The following CPAMD8 variants were observed in gnomAD, a reference collection of about 807,000 sequenced individuals.
CPAMD8 encodes the protein C3 and PZP like alpha-2-macroglobulin domain containing 8, also known as C3 and PZP-like alpha-2-macroglobulin domain-containing protein 8.
Under a neutral mutation model 224.7 loss-of-function variants are expected in CPAMD8, and 146 were observed. The observed-to-expected ratio is 0.65, with a 90% CI of 0.57 to 0.75. The LOEUF is 0.75. Among genes scored for constraint, CPAMD8 ranks in the 30% least tolerant of loss-of-function variants. The probability of loss-of-function intolerance (pLI) is 0.00; values close to 1 mark genes in which losing one functional copy is unlikely to be tolerated. For synonymous variants in CPAMD8, 966 were observed against 1,044.6 expected (o/e 0.92, Z 1.45); for missense variants, 2,301 against 2,537.5 (o/e 0.91, Z 2.00).
chr19:16,936,036 T>C (rs903798605), intron 23 of CPAMD8, among the ~76,000 whole-genome samples: 2 of 151,740 alleles, frequency 1.3e-5, no homozygotes, highest in Non-Finnish European at 2.9e-5. Flanking sequence ...CAAGCAATCC[T>C]CCCTCCTCAG....
chr19:17,020,342 T>A lies in CPAMD8; in HGVS notation c.256A>T (p.Ile86Phe). ...SQGAILDKGT[I>F]KLKVPTGLRG... ...AATCAACGGCTTACCTTGAGTTTGATTGTCCCTTTATCTAAAAATGAAAAT... is the reference window on the plus strand; with the variant it reads ...AATCAACGGCTTACCTTGAGTTTGAATGTCCCTTTATCTAAAAATGAAAAT... Residue 86 changes from isoleucine to phenylalanine, a missense_variant, in exon 3 of 42, where the codon ATC (isoleucine) becomes TTC (phenylalanine). Transcript: ENST00000443236. The A allele has an allele frequency of 6.3e-7, 1 of 1,587,570 alleles. No homozygotes were observed. The highest frequency in any genetic ancestry group is 8.6e-7 in the Non-Finnish European group (1 of 1,156,440).
At chr19:16,976,373 G>C (rs2055272451) in intron 15 of CPAMD8, among the ~76,000 whole-genome samples, 1 of 152,038 alleles carries the variant, frequency 6.6e-6, no homozygotes, top group Non-Finnish European at 1.5e-5. Context: ...CTACTTAGGA[G>C]GCTGAGGCAG....
intron 27 of CPAMD8, among the ~76,000 whole-genome samples, chr19:16,918,952 C>G (rs965814742): frequency 6.6e-6 from 1 of 152,032 alleles, no homozygotes; most frequent in African/African-American, 2.4e-5. Context: ...CCTGTAATCT[C>G]AGCACTTTGG....
intron 13 of CPAMD8, among the ~76,000 whole-genome samples, chr19:16,983,399 A>AAAAT (rs55638415): frequency 0.02 from 3,025 of 150,376 alleles, 62 homozygotes; most frequent in African/African-American, 0.054. Flanking sequence ...ACTCCATCTC[A>AAAAT]AAATAAATAA....
At chr19:16,948,392 G>T (rs2054175976) in intron 20 of CPAMD8, among the ~76,000 whole-genome samples, 1 of 152,130 alleles carries the variant, frequency 6.6e-6, no homozygotes, top group Non-Finnish European at 1.5e-5. Flanking sequence ...GAGAGCCAAT[G>T]GCTGCTGCAG....
chr19:16,980,684 A>T lies in CPAMD8; in HGVS notation c.1398T>A (p.Val466=). Residue 466 remains valine (V), a splice_region_variant and synonymous_variant, in exon 14 of 42, where the codon GTT becomes GTA. Coordinates refer to ENST00000443236, the MANE Select transcript of CPAMD8 (RefSeq NM_015692.5). ...QLQPPSHPLQ[V]GEEAYFSVKS... is the part of the protein sequence containing the mutation. ...TCACAGAAAAATAGGCTTCTTCCCCAACCTATGGAAGACACGCAGCATGGG... is the reference window on the plus strand; with the variant it reads ...TCACAGAAAAATAGGCTTCTTCCCCTACCTATGGAAGACACGCAGCATGGG... 1 of 1,533,196 alleles carries T rather than the reference A, an allele frequency of 6.5e-7. No homozygotes were observed. The highest frequency in any genetic ancestry group is 8.8e-7 in the Non-Finnish European group (1 of 1,140,928). 95.0% of individuals were successfully genotyped at this position (1,533,196 alleles called of 1,614,324 possible).
intron 19 of CPAMD8, among the ~76,000 whole-genome samples, chr19:16,955,874 G>T (rs1240225663): frequency 6.6e-6 from 1 of 151,634 alleles, no homozygotes; most frequent in Non-Finnish European, 1.5e-5. Context: ...ATGGGGCCTT[G>T]CTATGTTGCC....
chr19:16,954,904 G>A lies in CPAMD8; in HGVS notation c.2277-2704C>T, dbSNP rs532170155. ...AGCACTTTGGGAGGCCGAGGCGGGCGGATCACGAGGTCAGGAGATCGATAC... is the reference window on the plus strand; with the variant it reads ...AGCACTTTGGGAGGCCGAGGCGGGCAGATCACGAGGTCAGGAGATCGATAC... On this transcript the variant is annotated intron_variant, in intron 19 of 41. Coordinates refer to ENST00000443236, the MANE Select transcript of CPAMD8 (RefSeq NM_015692.5). Among the ~76,000 whole-genome samples the A allele has an allele frequency of 6.6e-5, 10 of 152,310 alleles. No homozygotes were observed. The South Asian group carries it at 1.4e-3, about 22-fold the overall frequency.
At chr19:16,914,624 G>C (rs910305987) in intron 28 of CPAMD8, 33 bp downstream of exon 28, 19 of 1,613,250 alleles carry the variant, frequency 1.2e-5, no homozygotes, top group Non-Finnish European at 1.5e-5. Flanking sequence ...AGGAGGTGAG[G>C]GGCCCGGGAA....
chr19:16,942,236 C>G (rs188826267), intron 22 of CPAMD8, among the ~76,000 whole-genome samples: 1 of 151,984 alleles, frequency 6.6e-6, no homozygotes, highest in Admixed American at 6.6e-5. Flanking sequence ...CCGAGGCGGG[C>G]GGGTCACCTG....
chr19:16,894,402 C>T (rs1568439955), intron 41 of CPAMD8: 1 of 456,680 alleles, frequency 2.2e-6, no homozygotes, highest in Non-Finnish European at 4.4e-6. Flanking sequence ...GTCCTGCTCT[C>T]AGCAGGGCAG....
rs1431937664 is a variant in CPAMD8, at chr19:16,906,406, CT to C, written c.4027+545del. Among the ~76,000 whole-genome samples, 679 of 82,874 alleles carry C rather than the reference CT, an allele frequency of 8.2e-3. 5 individuals are homozygous for C. The highest frequency in any genetic ancestry group is 0.011 in the Non-Finnish European group (401 of 36,752). 54.4% of individuals were successfully genotyped at this position (82,874 alleles called of 152,430 possible). A position where few individuals can be genotyped will look rare whatever the true frequency, so the allele number is the denominator to read the frequency against. On this transcript the variant is annotated intron_variant, in intron 30 of 41. Transcript: ENST00000443236. ...TCTTTCTTTCTTTCTTTCTTTCTTT[CT>C]TTCCTTCCTTCCTTCCTTCCTTCCT...
At chr19:16,970,521 G>T (rs980207695) in intron 18 of CPAMD8, among the ~76,000 whole-genome samples, 3 of 152,120 alleles carry the variant, frequency 2.0e-5, no homozygotes, top group Non-Finnish European at 1.5e-5. Context: ...GGAGGTGGAG[G>T]TTGCAGGGAG....
rs566949609 is a variant in CPAMD8 at position 16,909,552 on chromosome 19, A to AAAAC, written c.3862-2439_3862-2436dup. 8.0e-3 allele frequency among the ~76,000 whole-genome samples: 1,209 copies of AAAAC among 152,000 alleles called. 12 individuals are homozygous for AAAAC. The highest frequency in any genetic ancestry group is 9.2e-3 in the Non-Finnish European group (627 of 67,946). ...GAGCGAGACTCCATCTCAAAAAGGG[A>AAAAC]AAACAAACAAACAAACAAACCCATC... On this transcript the variant is annotated intron_variant, in intron 29 of 41. Coordinates refer to ENST00000443236, the MANE Select transcript of CPAMD8 (RefSeq NM_015692.5).
intron 29 of CPAMD8, among the ~76,000 whole-genome samples, chr19:16,911,098 G>A (rs1011125001): frequency 8.5e-5 from 13 of 152,176 alleles, no homozygotes; most frequent in South Asian, 2.1e-4. Context: ...TTTGGGGAAC[G>A]ATCTAAGACA....
chr19:16,948,118 C>A (rs966532828), intron 20 of CPAMD8, among the ~76,000 whole-genome samples: 2 of 152,202 alleles, frequency 1.3e-5, no homozygotes, highest in Non-Finnish European at 2.9e-5. Context: ...AGCACGTTTG[C>A]AACCCCTCCA....
chr19:17,017,587 C>T (rs1299667789), intron 3 of CPAMD8, among the ~76,000 whole-genome samples: 2 of 152,158 alleles, frequency 1.3e-5, no homozygotes, highest in Non-Finnish European at 2.9e-5. Context: ...TGGCCTCCAC[C>T]CACCAGATGC....
At position 16,993,496 on chromosome 19, in the gene CPAMD8, T is replaced by G. The variant is rs376660425; in HGVS notation, c.1186A>C (p.Ser396Arg). 5.6e-6 allele frequency: 9 copies of G among 1,613,940 alleles called. No homozygotes were observed. In the African/African-American group the frequency reaches 1.1e-4, roughly 19 times the overall value. The stretch of plus-strand genomic sequence containing the variant: ...AGTCCACGCTGGGACACAACTTCAC[T>G]GGTGTAGATGTTATCCTTTGGTGTC... ...ELTPKDNIYT[S>R]EVVSQRGLVG... The change falls in exon 12 of 42, where the codon AGT (serine) becomes CGT (arginine). Residue 396 changes from serine (S) to arginine (R), a missense_variant. By Grantham distance (110) the Ser-to-Arg change is moderately radical. This residue lies in a region of CPAMD8 where 301 missense variants were observed against 406.6 expected (regional missense o/e 0.74). Coordinates refer to ENST00000443236, the MANE Select transcript of CPAMD8 (RefSeq NM_015692.5).
In CPAMD8 at chr19:16,989,650, G is replaced by A. The variant is rs1255585749; in HGVS notation, c.1388C>T (p.Pro463Leu). Residue 463 changes from proline to leucine, a missense_variant, in exon 13 of 42, where the codon CCA becomes CTA. By Grantham distance (98) the Pro-to-Leu change is moderately conservative. This residue lies in a region of CPAMD8 where 301 missense variants were observed against 406.6 expected (regional missense o/e 0.74). Coordinates refer to ENST00000443236, the MANE Select transcript of CPAMD8 (RefSeq NM_015692.5). ...AGCTCCTGAAAATCTTACCTGCAGT[G>A]GGTGGGAGGGTGGCTGCAGCTGCAG... ...CYLQLQPPSH[P>L]LQVGEEAYFS... 1 of 1,613,778 alleles carries A rather than the reference G, an allele frequency of 6.2e-7. No homozygotes were observed.
Sources: allele counts gnomAD v4.1 joint callset (sites outside exome capture counted in the v4.1 genomes callset), GRCh38; gene constraint gnomAD v4.1.1; regional missense constraint gnomAD v4.1.1; transcripts MANE v1.5; gene names NCBI Gene and HGNC (gene_info 2026-07-23, HGNC 2026-07-21).